Variants in FAM237A observed in about 807,000 individuals in gnomAD.
The protein encoded by FAM237A is protein FAM237A.
Under a neutral mutation model 12.5 loss-of-function variants are expected in FAM237A, and 14 were observed. That is an observed-to-expected ratio of 1.12 (90% CI 0.74 to 1.75). The LOEUF (loss-of-function observed/expected upper bound fraction) is 1.75. Ranked by LOEUF, FAM237A falls within the 40% of genes most tolerant of loss-of-function variation. FAM237A has a pLI of 0.00. For missense variants in FAM237A, 240 were observed against 211.7 expected (o/e 1.13, Z -0.83); for synonymous variants, 85 against 77.5 (o/e 1.10, Z -0.51).
chr2:206,643,371 T>A (rs536717470), intron 1 of FAM237A: 2 of 152,318 alleles, frequency 1.3e-5, no homozygotes, highest in Non-Finnish European at 2.9e-5. Context: ...AGTGAACATT[T>A]GGGTTATTAT....
At chr2:206,646,192 A>G (rs1394564327) in intron 2 of FAM237A, among the ~76,000 whole-genome samples, 1 of 150,534 alleles carries the variant, frequency 6.6e-6, no homozygotes, top group Non-Finnish European at 1.5e-5. Context: ...AGTCCCAGCT[A>G]CTCGGGAGGC....
At chr2:206,645,783 G>A (rs1034917666) in intron 2 of FAM237A, among the ~76,000 whole-genome samples, 2 of 152,146 alleles carry the variant, frequency 1.3e-5, no homozygotes, top group Non-Finnish European at 1.5e-5. Context: ...ATTTTGGTAA[G>A]TGTTATTGTA....
At chr2:206,646,570 T>C in intron 2 of FAM237A, among the ~76,000 whole-genome samples, 1 of 152,212 alleles carries the variant, frequency 6.6e-6, no homozygotes, top group Non-Finnish European at 1.5e-5. Flanking sequence ...GGAGTTGGTA[T>C]GCAAGTAGCC....
chr2:206,643,806 A>T (rs35057298), intron 1 of FAM237A, among the ~76,000 whole-genome samples: 14,481 of 152,278 alleles, frequency 0.095, 866 homozygotes, highest in Non-Finnish European at 0.13. Context: ...AAATATATTT[A>T]AATTCTTAAT....
In FAM237A at chr2:206,644,326, T is replaced by C. The variant is rs1416547663; in HGVS notation, c.90T>C (p.Pro30=). Residue 30 remains proline, a synonymous_variant, in exon 2 of 3, where the codon CCT becomes CCC. Coordinates refer to ENST00000441223, the MANE Select transcript of FAM237A (RefSeq NM_001102659.3). The part of the protein sequence containing the change: ...LLIVGMCCVS[P]FFCHSQTDLL... ...TTGTGGGAATGTGCTGTGTATCTCC[T>C]TTCTTCTGCCATAGCCAGACAGACT... The C allele has an allele frequency of 6.2e-7, 1 of 1,613,558 alleles. No individual in the cohort carries two copies. The highest frequency in any genetic ancestry group is 8.5e-7 in the Non-Finnish European group (1 of 1,179,706).
chr2:206,646,527 T>C (rs1441450533), intron 2 of FAM237A, among the ~76,000 whole-genome samples: 1 of 152,082 alleles, frequency 6.6e-6, no homozygotes, highest in Non-Finnish European at 1.5e-5. Context: ...TGCTACGGAG[T>C]TGTTGGTGAT....
chr2:206,644,518 G>C lies in FAM237A; in HGVS notation c.282G>C (p.Leu94=), dbSNP rs1419176643. ...NLKHGALFWD[L]AQLFWDIYVD... ...AGCATGGAGCACTGTTTTGGGATCT[G>C]GCCCAACTCTTCTGGGACATCTATG... The change falls in exon 2 of 3, where the codon CTG becomes CTC. Residue 94 remains leucine (L), a synonymous_variant. Coordinates refer to ENST00000441223, the MANE Select transcript of FAM237A (RefSeq NM_001102659.3). 1 of 1,613,892 alleles carries C rather than the reference G, an allele frequency of 6.2e-7. No individual in the cohort carries two copies. The highest frequency in any genetic ancestry group is 8.5e-7 in the Non-Finnish European group (1 of 1,179,894).
Position 206,644,376 on chromosome 2 carries a change from C to T in FAM237A, c.140C>T (p.Pro47Leu). 6.2e-7 allele frequency: 1 copy of T among 1,613,814 alleles called. No homozygotes were observed. Among genetic ancestry groups the T allele is most frequent in the Middle Eastern group, 1.7e-4 (1 of 6,060 alleles). The change falls in exon 2 of 3, where the codon CCT becomes CTT. Residue 47 changes from proline (P) to leucine (L), a missense_variant. Physicochemically the swap from Pro to Leu is moderately conservative, Grantham distance 98 (BLOSUM62 -3). Transcript: ENST00000441223. ...TTGCTGGCTCTTAGCCAAGCTGATCCTCAGTGCTGGGAATCCTCCTCAGTG... is the reference window on the plus strand; with the variant it reads ...TTGCTGGCTCTTAGCCAAGCTGATCTTCAGTGCTGGGAATCCTCCTCAGTG... The part of the protein sequence containing the change: ...TDLLALSQAD[P>L]QCWESSSVLL...
Position 206,644,617 on chromosome 2 carries a change from A to G in FAM237A, c.381A>G (p.Ala127=). Residue 127 remains alanine, a synonymous_variant, in exon 2 of 3, where the codon GCA becomes GCG. Transcript: ENST00000441223. ...QLVGEEEKIS[A]AQPQHTRSKQ... is the part of the protein sequence containing the mutation. Reference sequence around the variant, plus strand: ...TTGGAGAGGAAGAGAAAATCTCAGCAGCGCAGCCACAGCACACAAGGAGTA... The same window carrying G: ...TTGGAGAGGAAGAGAAAATCTCAGCGGCGCAGCCACAGCACACAAGGAGTA... The G allele has an allele frequency of 6.2e-7, 1 of 1,600,600 alleles. No individual in the cohort carries two copies. The highest frequency in any genetic ancestry group is 8.5e-7 in the Non-Finnish European group (1 of 1,174,210).
chr2:206,646,584 T>C (rs955350803), intron 2 of FAM237A, among the ~76,000 whole-genome samples: 3 of 152,180 alleles, frequency 2.0e-5, no homozygotes, highest in South Asian at 2.1e-4. Context: ...AGTAGCCAAA[T>C]AGCAGGAGTG....
At chr2:206,645,260 T>A (rs1699303665) in intron 2 of FAM237A, among the ~76,000 whole-genome samples, 1 of 152,234 alleles carries the variant, frequency 6.6e-6, no homozygotes, top group Non-Finnish European at 1.5e-5. Flanking sequence ...TAATTAATTT[T>A]TAGTAAGTTG....
chr2:206,644,834 C>T (rs1216487691), intron 2 of FAM237A, among the ~76,000 whole-genome samples, 186 bp downstream of exon 2: 1 of 152,202 alleles, frequency 6.6e-6, no homozygotes, highest in Non-Finnish European at 1.5e-5. Flanking sequence ...TGCATAGTAG[C>T]TGTTTATATC....
chr2:206,646,302 TA>T (rs199557802), intron 2 of FAM237A, among the ~76,000 whole-genome samples: 21,876 of 142,408 alleles, frequency 0.15, 1,760 homozygotes, highest in East Asian at 0.21. Flanking sequence ...GACTCTATCT[TA>T]AAAAAAAAAA....
Position 206,644,516 on chromosome 2 carries a change from C to G in FAM237A, c.280C>G (p.Leu94Val). 2 of 1,614,040 alleles carry G rather than the reference C, an allele frequency of 1.2e-6. No homozygotes were observed. Among genetic ancestry groups the G allele is most frequent in the East Asian group, 2.2e-5 (1 of 44,884 alleles). ...NLKHGALFWD[L>V]AQLFWDIYVD... ...GAAGCATGGAGCACTGTTTTGGGAT[C>G]TGGCCCAACTCTTCTGGGACATCTA... Residue 94 changes from leucine (L) to valine (V), a missense_variant, in exon 2 of 3, where the codon CTG becomes GTG. By Grantham distance (32) the Leu-to-Val change is conservative (BLOSUM62 1). Transcript: ENST00000441223.
intron 2 of FAM237A, among the ~76,000 whole-genome samples, chr2:206,645,924 G>A (rs1699311737): frequency 1.3e-5 from 2 of 151,846 alleles, no homozygotes; most frequent in Admixed American, 1.3e-4. Flanking sequence ...AGGCTGCCCA[G>A]GCATCAGCAC....
chr2:206,644,009 G>A (rs991139974), intron 1 of FAM237A, among the ~76,000 whole-genome samples: 1 of 152,106 alleles, frequency 6.6e-6, no homozygotes. Context: ...AATATGTCTT[G>A]GCCTGACCGT....
In FAM237A at chr2:206,644,588, T is replaced by C. The variant is rs1699294432; in HGVS notation, c.352T>C (p.Leu118=). Residue 118 remains leucine, a synonymous_variant, in exon 2 of 3, where the codon TTG becomes CTG. Transcript: ENST00000441223. ...GAACCATGGCTTAGGAAGGAGGCAA[T>C]TGGTTGGAGAGGAAGAGAAAATCTC... is the stretch of plus-strand genomic sequence containing the variant. The part of the protein sequence containing the change: ...SRNHGLGRRQ[L]VGEEEKISAA... 2 of 1,610,610 alleles carry C rather than the reference T, an allele frequency of 1.2e-6. No homozygotes were observed. The highest frequency in any genetic ancestry group is 1.3e-5 in the African/African-American group (1 of 74,800).
chr2:206,643,961 A>C (rs1293642390), intron 1 of FAM237A, among the ~76,000 whole-genome samples: 1 of 152,164 alleles, frequency 6.6e-6, no homozygotes, highest in African/African-American at 2.4e-5. Flanking sequence ...TTAGCAGATT[A>C]ATTTATTCAT....
At position 206,644,404 on chromosome 2, in the gene FAM237A, T is replaced by C. The variant is rs1301593007; in HGVS notation, c.168T>C (p.Leu56=). The change falls in exon 2 of 3, where the codon CTT becomes CTC. Residue 56 remains leucine, a synonymous_variant. Transcript: ENST00000441223. ...AGTGCTGGGAATCCTCCTCAGTGCTTCTCCTGGAAATGTGGAAACCTCGCG... is the reference window on the plus strand; with the variant it reads ...AGTGCTGGGAATCCTCCTCAGTGCTCCTCCTGGAAATGTGGAAACCTCGCG... ...DPQCWESSSV[L]LLEMWKPRVS... 1 of 1,613,822 alleles carries C rather than the reference T, an allele frequency of 6.2e-7. No individual in the cohort carries two copies. The highest frequency in any genetic ancestry group is 8.5e-7 in the Non-Finnish European group (1 of 1,179,826).
Sources: allele counts gnomAD v4.1 joint callset (sites outside exome capture counted in the v4.1 genomes callset), GRCh38; gene constraint gnomAD v4.1.1; transcripts MANE v1.5; gene names NCBI Gene and HGNC (gene_info 2026-07-23, HGNC 2026-07-21).